Variants in SLC14A1 observed in about 807,000 individuals in gnomAD.
SLC14A1 encodes the protein solute carrier family 14 member 1 (Kidd blood group), also known as urea transporter 1.
SLC14A1 carries 36 observed loss-of-function variants against 39.6 expected under a neutral mutation model. The observed-to-expected ratio is 0.91, with a 90% CI of 0.70 to 1.20. The LOEUF is 1.20. Ranked by LOEUF, SLC14A1 falls within the 50% of genes most tolerant of loss-of-function variation. SLC14A1 has a pLI of 0.00. For synonymous variants in SLC14A1, 164 were observed against 173.6 expected, an observed-to-expected ratio of 0.94 and a Z score of 0.43; for missense variants, 469 against 478.7, an observed-to-expected ratio of 0.98 and a Z score of 0.19.
At position 45,752,296 on chromosome 18, in the gene SLC14A1, G is replaced by A. The variant is rs79287813; in HGVS notation, c.*2345G>A. 18,346 of 939,356 alleles carry A rather than the reference G, an allele frequency of 0.02. 224 individuals are homozygous for A. Among genetic ancestry groups the A allele is most frequent in the Non-Finnish European group, 0.022 (17,242 of 787,922 alleles). 58.2% of individuals were successfully genotyped at this position (939,356 alleles called of 1,614,324 possible). ...GAGGCCTCTAAAATGGACCCGAGTC[G>A]ATCTTCAGAACAGGGATCTACCATG... On this transcript the variant is annotated 3_prime_UTR_variant, in exon 10 of 10. Coordinates refer to ENST00000321925, the MANE Select transcript of SLC14A1 (RefSeq NM_015865.7).
At position 45,751,141 on chromosome 18, in the gene SLC14A1, A is replaced by T. The variant is rs1195146441; in HGVS notation, c.*1190A>T. 1 of 586,506 alleles carries T rather than the reference A, an allele frequency of 1.7e-6. No individual in the cohort carries two copies. The highest frequency in any genetic ancestry group is 2.1e-6 in the Non-Finnish European group (1 of 466,102). The allele number at this position is 586,506 out of a possible 1,614,324, so 36.3% of individuals were successfully genotyped here. ...GATTGCTTGAACCCAGGAGTTCAAG[A>T]CCAGCCTGGGCAGCATGGTGAAACC... On this transcript the variant is annotated 3_prime_UTR_variant, in exon 10 of 10. Transcript: ENST00000321925.
At chr18:45,739,891 T>C in intron 8 of SLC14A1, 1 of 591,174 alleles carries the variant, frequency 1.7e-6, no homozygotes. Context: ...TTGAGTCATA[T>C]TAATATCCTA....
intron 9 of SLC14A1, 66 bp downstream of exon 9, chr18:45,748,491 C>G: frequency 1.3e-6 from 2 of 1,519,874 alleles, no homozygotes; most frequent in East Asian, 4.5e-5. Flanking sequence ...ATGGGAAATG[C>G]TCCTGAAGTC....
intron 8 of SLC14A1, among the ~76,000 whole-genome samples, chr18:45,740,879 T>C (rs1427883948): frequency 6.6e-6 from 1 of 152,194 alleles, no homozygotes; most frequent in African/African-American, 2.4e-5. Context: ...GCTGATGCTG[T>C]TGCTCTCAGG....
rs2047694696 is a variant in SLC14A1 at position 45,751,253 on chromosome 18, T to C, written c.*1302T>C. 2.0e-6 allele frequency: 1 copy of C among 502,270 alleles called. No homozygotes were observed. Among genetic ancestry groups the C allele is most frequent in the Admixed American group, 6.7e-5 (1 of 14,950 alleles). 31.1% of individuals were successfully genotyped at this position (502,270 alleles called of 1,614,324 possible). A position where few individuals can be genotyped will look rare whatever the true frequency, so the allele number is the denominator to read the frequency against. Reference sequence around the variant, plus strand: ...TACTTGGGAGGCTGAGGTGGGAAAATGACTTGAGCCCAGGAGGAGGAGGCT... The same window carrying C: ...TACTTGGGAGGCTGAGGTGGGAAAACGACTTGAGCCCAGGAGGAGGAGGCT... On this transcript the variant is annotated 3_prime_UTR_variant, in exon 10 of 10. Transcript: ENST00000321925.
chr18:45,734,014 T>C (rs2047107930), intron 4 of SLC14A1: 2 of 425,922 alleles, frequency 4.7e-6, no homozygotes, highest in African/African-American at 2.0e-5. Context: ...TGGAAAATTG[T>C]CTTCCATGAA....
intron 2 of SLC14A1, chr18:45,727,448 G>A (rs1052828601): frequency 1.2e-5 from 19 of 1,525,756 alleles, no homozygotes; most frequent in East Asian, 1.2e-4. Context: ...CCTCTGGCTC[G>A]GGGAACCTGG....
intron 6 of SLC14A1, among the ~76,000 whole-genome samples, chr18:45,738,896 G>A (rs1395527488): frequency 6.6e-6 from 1 of 152,168 alleles, no homozygotes; most frequent in Non-Finnish European, 1.5e-5. Flanking sequence ...CCAAGTGTCA[G>A]TGCAAGCAGG....
chr18:45,739,808 G>A, intron 8 of SLC14A1, 146 bp downstream of exon 8: 1 of 961,832 alleles, frequency 1.0e-6, no homozygotes. Flanking sequence ...AACAGGACAA[G>A]TGACGTCCCC....
chr18:45,735,745 C>A (rs1482156814), intron 5 of SLC14A1, among the ~76,000 whole-genome samples: 1 of 152,206 alleles, frequency 6.6e-6, no homozygotes, highest in Non-Finnish European at 1.5e-5. Context: ...GAGGCCTAGC[C>A]TGTAAGTGCT....
At chr18:45,731,473 A>G (rs2047028056) in intron 4 of SLC14A1, 2 of 487,844 alleles carry the variant, frequency 4.1e-6, no homozygotes, top group Non-Finnish European at 7.5e-6. Context: ...TTCCCTGGAG[A>G]GGTTCTGAAG....
chr18:45,750,215 T>C lies in SLC14A1; in HGVS notation c.*264T>C, dbSNP rs2047671113. The stretch of plus-strand genomic sequence containing the variant: ...CTTGGCACTAAGACTGGAATGTATA[T>C]AAAGTCAAAGTGCTCCAACAGAAGG... On this transcript the variant is annotated 3_prime_UTR_variant, in exon 10 of 10. Coordinates refer to ENST00000321925, the MANE Select transcript of SLC14A1 (RefSeq NM_015865.7). The C allele has an allele frequency of 2.9e-6, 4 of 1,385,276 alleles. No homozygotes were observed. Among genetic ancestry groups the C allele is most frequent in the Non-Finnish European group, 1.9e-6 (2 of 1,070,226 alleles). The allele number at this position is 1,385,276 out of a possible 1,614,324, so 85.8% of individuals were successfully genotyped here. A position where few individuals can be genotyped will look rare whatever the true frequency, so the allele number is the denominator to read the frequency against.
At chr18:45,738,563 CTTTG>C (rs1340574722) in intron 6 of SLC14A1, among the ~76,000 whole-genome samples, 2 of 152,152 alleles carry the variant, frequency 1.3e-5, no homozygotes, top group South Asian at 2.1e-4. Flanking sequence ...CTAAAAATAT[CTTTG>C]TTTAAATGAA....
At chr18:45,736,839 T>C (rs763248035) in intron 6 of SLC14A1, among the ~76,000 whole-genome samples, 191 bp downstream of exon 6, 1 of 151,648 alleles carries the variant, frequency 6.6e-6, no homozygotes, top group Non-Finnish European at 1.5e-5. Flanking sequence ...TTAAAATTAC[T>C]ATTTAGTCAA....
intron 2 of SLC14A1, among the ~76,000 whole-genome samples, chr18:45,725,335 G>A (rs1189674800): frequency 6.6e-6 from 1 of 152,168 alleles, no homozygotes; most frequent in Non-Finnish European, 1.5e-5. Flanking sequence ...TTTGACTTCT[G>A]CTGGAAAGCT....
In SLC14A1 at chr18:45,751,544, G is replaced by A. The variant is rs926881090; in HGVS notation, c.*1593G>A. On this transcript the variant is annotated 3_prime_UTR_variant, in exon 10 of 10. Transcript: ENST00000321925. The stretch of plus-strand genomic sequence containing the variant: ...TGTAATCCCAGCACTTTGGGAGATG[G>A]AGGTAAAAGGATCTCTTGAGCCCAG... 1.0e-5 allele frequency: 10 copies of A among 977,486 alleles called. No homozygotes were observed. Among genetic ancestry groups the A allele is most frequent in the Non-Finnish European group, 1.2e-5 (10 of 823,064 alleles). 60.6% of individuals were successfully genotyped at this position (977,486 alleles called of 1,614,324 possible).
chr18:45,727,193 C>T, intron 2 of SLC14A1: 2 of 1,470,168 alleles, frequency 1.4e-6, no homozygotes, highest in East Asian at 2.5e-5. Context: ...TTGCCTTTTG[C>T]GTGGTCATTA....
At position 45,751,386 on chromosome 18, in the gene SLC14A1, AAAC is replaced by A. The variant is rs2047705388; in HGVS notation, c.*1438_*1440del. ...ACAAAAACAAAAACAAAACAAAACAAAACAAAACAAAACAGGTAAGGATTCCCC... is the reference window on the plus strand; with the variant it reads ...ACAAAAACAAAAACAAAACAAAACAAAAAACAAAACAGGTAAGGATTCCCC... On this transcript the variant is annotated 3_prime_UTR_variant, in exon 10 of 10. Coordinates refer to ENST00000321925, the MANE Select transcript of SLC14A1 (RefSeq NM_015865.7). The A allele has an allele frequency of 1.0e-6, 1 of 984,358 alleles. No homozygotes were observed. The highest frequency in any genetic ancestry group is 1.2e-6 in the Non-Finnish European group (1 of 829,486). The allele number at this position is 984,358 out of a possible 1,614,324, so 61.0% of individuals were successfully genotyped here.
intron 8 of SLC14A1, among the ~76,000 whole-genome samples, chr18:45,742,974 C>T (rs927744238): frequency 5.3e-5 from 8 of 152,246 alleles, no homozygotes; most frequent in African/African-American, 1.9e-4. Context: ...GCGTGAGCCA[C>T]AGTGCCCAGC....
Sources: allele counts gnomAD v4.1 joint callset (sites outside exome capture counted in the v4.1 genomes callset), GRCh38; gene constraint gnomAD v4.1.1; transcripts MANE v1.5; gene names NCBI Gene and HGNC (gene_info 2026-07-23, HGNC 2026-07-21).